VPS53: variants seen among roughly 807,000 people sequenced by gnomAD.
VPS53 encodes vacuolar protein sorting-associated protein 53 homolog.
Under a neutral mutation model 107.0 loss-of-function variants are expected in VPS53, and 70 were observed. The observed-to-expected ratio is 0.65, with a 90% CI of 0.54 to 0.80. VPS53 has a LOEUF of 0.80. Ranked by LOEUF, VPS53 falls within the 30% of genes least tolerant of loss-of-function variation. The probability of loss-of-function intolerance (pLI) is 0.00; values close to 1 mark genes in which losing one functional copy is unlikely to be tolerated. For synonymous variants in VPS53, 409 were observed against 393.3 expected (o/e 1.04, Z -0.47); for missense variants, 917 against 1,049.4 (o/e 0.87, Z 1.74).
chr17:556,528 G>A (rs1440784129), intron 15 of VPS53, among the ~76,000 whole-genome samples: 2 of 152,026 alleles, frequency 1.3e-5, no homozygotes, highest in East Asian at 1.9e-4. Flanking sequence ...TCATAACATC[G>A]TTCTGTGGTT....
chr17:543,620 T>A (rs537473090), intron 17 of VPS53, among the ~76,000 whole-genome samples: 1 of 151,718 alleles, frequency 6.6e-6, no homozygotes, highest in South Asian at 2.1e-4. Context: ...TAACCAGACA[T>A]ACTCATTTCT....
intron 11 of VPS53, among the ~76,000 whole-genome samples, chr17:605,135 C>T (rs887606519): frequency 6.6e-6 from 1 of 152,150 alleles, no homozygotes; most frequent in South Asian, 2.1e-4. Context: ...GGGAACAGCA[C>T]GTGTCTGCCG....
intron 13 of VPS53, among the ~76,000 whole-genome samples, chr17:583,736 C>T (rs1179404627): frequency 6.6e-6 from 1 of 151,910 alleles, no homozygotes; most frequent in African/African-American, 2.4e-5. Context: ...TCCCTCAGAA[C>T]CTAATGGGTT....
intron 6 of VPS53, 86 bp downstream of exon 6, chr17:655,752 G>A (rs1971162851): frequency 8.0e-7 from 1 of 1,255,036 alleles, no homozygotes; most frequent in Non-Finnish European, 1.1e-6. Flanking sequence ...AGACTTTCCT[G>A]GCTGAGAAGT....
intron 11 of VPS53, among the ~76,000 whole-genome samples, chr17:606,485 G>C (rs569231852): frequency 5.3e-5 from 8 of 152,196 alleles, no homozygotes; most frequent in Non-Finnish European, 1.0e-4. Context: ...GCTGCCATGA[G>C]GATGGGATGA....
rs1032939154 is a variant in VPS53, at chr17:560,574, C to T, written c.1557-1G>A. On this transcript the variant is annotated splice_acceptor_variant, in intron 14 of 21. Coordinates refer to ENST00000437048, the MANE Select transcript of VPS53 (RefSeq NM_001128159.3). LOFTEE classifies it high-confidence loss of function. ...CAGTCCTCCACTGCTGGTTGTGGTT[C>T]TGAAGAAAAGGAACAGGAACAAGTC... 6.2e-7 allele frequency: 1 copy of T among 1,612,896 alleles called. No individual in the cohort carries two copies. The highest frequency in any genetic ancestry group is 1.3e-5 in the African/African-American group (1 of 74,852).
At chr17:531,478 T>C (rs891349586) in intron 19 of VPS53, among the ~76,000 whole-genome samples, 1 of 152,174 alleles carries the variant, frequency 6.6e-6, no homozygotes, top group Non-Finnish European at 1.5e-5. Context: ...GCTTTGGGTC[T>C]GAGCTTACTA....
At chr17:681,047 T>G (rs1007058680) in intron 4 of VPS53, among the ~76,000 whole-genome samples, 1 of 152,196 alleles carries the variant, frequency 6.6e-6, no homozygotes, top group Non-Finnish European at 1.5e-5. Flanking sequence ...CAATGATAAA[T>G]ATATTACATG....
intron 14 of VPS53, among the ~76,000 whole-genome samples, chr17:561,550 T>G (rs981432583): frequency 2.0e-5 from 3 of 152,164 alleles, no homozygotes; most frequent in Non-Finnish European, 4.4e-5. Flanking sequence ...TCACACACAT[T>G]AGGTATCTAT....
chr17:548,106 G>A (rs1162220213), intron 17 of VPS53, among the ~76,000 whole-genome samples: 1 of 152,220 alleles, frequency 6.6e-6, no homozygotes, highest in Non-Finnish European at 1.5e-5. Context: ...TATGCATTCA[G>A]GGAAGTAAAC....
chr17:595,691 G>A (rs1397499755), intron 12 of VPS53, among the ~76,000 whole-genome samples: 5 of 141,330 alleles, frequency 3.5e-5, no homozygotes, highest in African/African-American at 1.3e-4. Context: ...CCCCCCTGGA[G>A]GAAGCTGGGA....
At chr17:625,941 A>G (rs1321493505) in intron 10 of VPS53, among the ~76,000 whole-genome samples, 1 of 152,152 alleles carries the variant, frequency 6.6e-6, no homozygotes, top group Non-Finnish European at 1.5e-5. Flanking sequence ...TATATAACTA[A>G]TAAGAACCAG....
chr17:543,076 A>AAG (rs1910830189), intron 17 of VPS53, among the ~76,000 whole-genome samples: 3 of 152,034 alleles, frequency 2.0e-5, no homozygotes, highest in Admixed American at 1.3e-4. Flanking sequence ...CTGTGTCTTG[A>AAG]TTCTAGGTAG....
At chr17:598,115 G>A (rs1367981355) in intron 12 of VPS53, among the ~76,000 whole-genome samples, 3 of 152,178 alleles carry the variant, frequency 2.0e-5, no homozygotes, top group Non-Finnish European at 2.9e-5. Flanking sequence ...GCGATTGCAG[G>A]CTCGCGCCGC....
chr17:653,814 G>A (rs1203449418), intron 6 of VPS53, among the ~76,000 whole-genome samples: 4 of 152,208 alleles, frequency 2.6e-5, no homozygotes, highest in Non-Finnish European at 4.4e-5. Context: ...ACAGAGAACC[G>A]GGGTAGGGAT....
intron 4 of VPS53, among the ~76,000 whole-genome samples, chr17:679,212 T>C (rs1429540147): frequency 2.0e-5 from 3 of 151,596 alleles, no homozygotes. Flanking sequence ...AGAGAAAACA[T>C]AAAATTAAGA....
At position 514,771 on chromosome 17, in the gene VPS53, G is replaced by A. The variant is rs577902107; in HGVS notation, c.*4357C>T. On this transcript the variant is annotated 3_prime_UTR_variant, in exon 22 of 22. Transcript: ENST00000437048. ...GTACTGGTCATGCTGGTCTCAGCTT[G>A]TCTGCTCTCAGTCCTGTCTGATCTG... The A allele has an allele frequency of 6.6e-6, 1 of 152,600 alleles. No homozygotes were observed. The highest frequency in any genetic ancestry group is 2.4e-5 in the African/African-American group (1 of 41,474). 9.5% of individuals were successfully genotyped at this position (152,600 alleles called of 1,614,324 possible).
At chr17:545,328 C>CG (rs1164331409) in intron 17 of VPS53, among the ~76,000 whole-genome samples, 2 of 152,158 alleles carry the variant, frequency 1.3e-5, no homozygotes, top group Non-Finnish European at 2.9e-5. Flanking sequence ...GCCACACCCC[C>CG]GCGGGCTCGT....
chr17:647,985 G>C (rs1449402989), intron 7 of VPS53, among the ~76,000 whole-genome samples: 1 of 152,224 alleles, frequency 6.6e-6, no homozygotes, highest in African/African-American at 2.4e-5. Flanking sequence ...ATGCGTGAAT[G>C]CTCACGTCAG....
Sources: gnomAD v4.1 joint callset for allele counts (sites outside exome capture counted in the v4.1 genomes callset) on GRCh38, gnomAD v4.1.1 for gene constraint, MANE v1.5 for transcripts, NCBI Gene and HGNC (gene_info 2026-07-23, HGNC 2026-07-21) for gene names.